SERPINB12: variants seen among roughly 807,000 people sequenced by gnomAD.
SERPINB12 encodes the protein serpin family B member 12.
A neutral mutation model predicts 41.1 loss-of-function variants in SERPINB12; 57 were observed. That is an observed-to-expected ratio of 1.39 (90% CI 1.12 to 1.73). SERPINB12 has a LOEUF of 1.73. Ranked by LOEUF, SERPINB12 falls within the 40% of genes most tolerant of loss-of-function variation. The pLI is 0.00. For missense variants in SERPINB12, 536 were observed against 501.9 expected, an observed-to-expected ratio of 1.07 and a Z score of -0.65; for synonymous variants, 180 against 181.3, an observed-to-expected ratio of 0.99 and a Z score of 0.06.
chr18:63,542,757 A>T (rs1333894900), intron 1 of SERPINB12, among the ~76,000 whole-genome samples: 1 of 152,130 alleles, frequency 6.6e-6, no homozygotes, highest in East Asian at 1.9e-4. Flanking sequence ...TAAGCACAGT[A>T]CCCAAGAGGT....
intron 5 of SERPINB12, 106 bp downstream of exon 5, chr18:63,561,308 A>G: frequency 2.9e-6 from 2 of 678,990 alleles, no homozygotes; most frequent in Admixed American, 4.9e-5. Context: ...AGAGGTTCAC[A>G]TATGTGGACT....
At chr18:63,561,047 C>T in intron 4 of SERPINB12, 38 bp from the exon 5 acceptor site, 1 of 1,362,398 alleles carries the variant, frequency 7.3e-7, no homozygotes, top group Non-Finnish European at 1.0e-6. Flanking sequence ...CACTGCCTGA[C>T]TTTATTGCAT....
At chr18:63,533,205 T>C in the SERPINB12 span, among the ~76,000 whole-genome samples, 1 of 152,114 alleles carries the variant, frequency 6.6e-6, no homozygotes, top group Non-Finnish European at 1.5e-5. Context: ...CTGGAACCCC[T>C]AACCTCGTGA....
chr18:63,546,888 C>T (rs191218156), intron 1 of SERPINB12, among the ~76,000 whole-genome samples: 15 of 152,204 alleles, frequency 9.9e-5, no homozygotes, highest in Non-Finnish European at 1.8e-4. Context: ...TTTCCATTCC[C>T]GACAGGGTGT....
At chr18:63,522,256 A>C in the SERPINB12 span, among the ~76,000 whole-genome samples, 7 of 152,244 alleles carry the variant, frequency 4.6e-5, no homozygotes, top group Non-Finnish European at 8.8e-5. Flanking sequence ...ACAACTTAAA[A>C]CTAAAATCTA....
intron 2 of SERPINB12, among the ~76,000 whole-genome samples, chr18:63,557,750 C>T (rs1487934427): frequency 1.3e-5 from 2 of 152,204 alleles, no homozygotes; most frequent in Non-Finnish European, 2.9e-5. Flanking sequence ...TCCTACCTTT[C>T]TACCAGGCTC....
At chr18:63,552,564 T>C (rs1487020935) in intron 1 of SERPINB12, among the ~76,000 whole-genome samples, 14 of 152,226 alleles carry the variant, frequency 9.2e-5, no homozygotes, top group Non-Finnish European at 4.4e-5. Context: ...AAAATACTCT[T>C]TTCCCTTTTC....
intron 5 of SERPINB12, 99 bp downstream of exon 5, chr18:63,561,301 G>T: frequency 1.4e-6 from 1 of 715,426 alleles, no homozygotes; most frequent in Middle Eastern, 2.4e-4. Flanking sequence ...GGGGGCCAGA[G>T]GTTCACATAT....
chr18:63,519,247 G>C, the SERPINB12 span, among the ~76,000 whole-genome samples: 2 of 152,116 alleles, frequency 1.3e-5, no homozygotes, highest in Non-Finnish European at 2.9e-5. Flanking sequence ...AGGTGTGTGG[G>C]GCCGGGAGAC....
the SERPINB12 span, among the ~76,000 whole-genome samples, chr18:63,530,697 T>A: frequency 6.6e-6 from 1 of 152,234 alleles, no homozygotes; most frequent in East Asian, 1.9e-4. Flanking sequence ...CCACAGATGG[T>A]GTAATACATG....
chr18:63,546,532 T>C (rs543882665), intron 1 of SERPINB12, among the ~76,000 whole-genome samples: 3 of 152,334 alleles, frequency 2.0e-5, no homozygotes, highest in Admixed American at 2.0e-4. Context: ...TCCTATGTAA[T>C]AACTTAGAAA....
At chr18:63,561,932 G>C (rs113050434) in intron 5 of SERPINB12, among the ~76,000 whole-genome samples, 1 of 152,064 alleles carries the variant, frequency 6.6e-6, no homozygotes, top group Non-Finnish European at 1.5e-5. Context: ...ACTACCTATA[G>C]GGTACTATGC....
chr18:63,532,224 G>A, the SERPINB12 span, among the ~76,000 whole-genome samples: 2 of 152,170 alleles, frequency 1.3e-5, no homozygotes, highest in African/African-American at 4.8e-5. Flanking sequence ...AGACTCAGGG[G>A]TTGCTTATCT....
upstream of SERPINB12, among the ~76,000 whole-genome samples, chr18:63,540,495 A>T (rs1014364137): frequency 6.6e-6 from 1 of 152,184 alleles, no homozygotes; most frequent in Non-Finnish European, 1.5e-5. Flanking sequence ...AATGCATTCC[A>T]GCTTAAAAAT....
chr18:63,568,494 G>A lies in SERPINB12; in HGVS notation c.*1483G>A, dbSNP rs879625224. Reference sequence around the variant, plus strand: ...TCTACTGAAGGCCTGACCTCTGAGTGTTCCTACTCGCGGACTCAGGGCCTC... The same window carrying A: ...TCTACTGAAGGCCTGACCTCTGAGTATTCCTACTCGCGGACTCAGGGCCTC... On this transcript the variant is annotated 3_prime_UTR_variant, in exon 8 of 8. Coordinates refer to ENST00000382768, the MANE Select transcript of SERPINB12 (RefSeq NM_001307928.2). Among the ~76,000 whole-genome samples, 4 of 152,192 alleles carry A rather than the reference G, an allele frequency of 2.6e-5. No homozygotes were observed. The highest frequency in any genetic ancestry group is 2.6e-4 in the Admixed American group (4 of 15,292).
chr18:63,527,084 G>A, the SERPINB12 span, among the ~76,000 whole-genome samples: 1 of 152,320 alleles, frequency 6.6e-6, no homozygotes, highest in Admixed American at 6.5e-5. Flanking sequence ...TGACTGAAAT[G>A]TTGTTATGCG....
In SERPINB12 at chr18:63,562,019, A is replaced by T. The variant is rs188883047; in HGVS notation, c.562+817A>T. Among the ~76,000 whole-genome samples, 620 of 151,082 alleles carry T rather than the reference A, an allele frequency of 4.1e-3. 2 individuals carry two copies. Among genetic ancestry groups the T allele is most frequent in the Non-Finnish European group, 6.2e-3 (422 of 67,854 alleles). On this transcript the variant is annotated intron_variant, in intron 5 of 7. Transcript: ENST00000382768. ...GTATCTAAAATAAAAGCTGAAATTT[A>T]AAAAAAAACAAAACAAAAAAGCATG... is the stretch of plus-strand genomic sequence containing the variant.
intron 1 of SERPINB12, among the ~76,000 whole-genome samples, chr18:63,544,700 A>G (rs1910345509): frequency 6.6e-6 from 1 of 152,158 alleles, no homozygotes; most frequent in Admixed American, 6.5e-5. Flanking sequence ...GGATATCTTA[A>G]GAGTGATTGC....
chr18:63,565,506 A>C lies in SERPINB12; in HGVS notation c.767A>C (p.Glu256Ala), dbSNP rs1599429489. 1 of 1,614,100 alleles carries C rather than the reference A, an allele frequency of 6.2e-7. No homozygotes were observed. The highest frequency in any genetic ancestry group is 8.5e-7 in the Non-Finnish European group (1 of 1,179,956). ...GGCCTCTACAGAATTGGCTTCATAG[A>C]GGAGGTGAAGGCACAGATCCTGGAA... ...QKGLYRIGFI[E>A]EVKAQILEMR... Residue 256 changes from glutamate to alanine, a missense_variant, in exon 7 of 8, where the codon GAG becomes GCG. By Grantham distance (107) the Glu-to-Ala change is moderately radical. Transcript: ENST00000382768.
Sources: gnomAD v4.1 joint callset for allele counts (sites outside exome capture counted in the v4.1 genomes callset) on GRCh38, gnomAD v4.1.1 for gene constraint, MANE v1.5 for transcripts, NCBI Gene and HGNC (gene_info 2026-07-23, HGNC 2026-07-21) for gene names.